The following USH2A variants were observed in gnomAD, a reference collection of about 807,000 sequenced individuals.
The protein encoded by USH2A is Usher syndrome 2A (autosomal recessive, mild).
Under a neutral mutation model 538.9 loss-of-function variants are expected in USH2A, and 443 were observed. That is an observed-to-expected ratio of 0.82 (90% CI 0.76 to 0.89). The LOEUF (loss-of-function observed/expected upper bound fraction) is 0.89. USH2A is among the 40% of genes least tolerant of loss of function. The probability of loss-of-function intolerance (pLI) is 0.00; values close to 1 mark genes in which losing one functional copy is unlikely to be tolerated. For missense variants in USH2A, 6,633 were observed against 6,324.8 expected (o/e 1.05, Z -1.65); for synonymous variants, 2,413 against 2,273.5 (o/e 1.06, Z -1.75).
At chr1:216,052,628 C>T (rs745427803) in intron 30 of USH2A, among the ~76,000 whole-genome samples, 7 of 152,130 alleles carry the variant, frequency 4.6e-5, no homozygotes, top group Non-Finnish European at 1.0e-4. Context: ...AAGAAGAACA[C>T]TATAATGGTT....
At chr1:216,224,289 C>T (rs927368778) in intron 14 of USH2A, among the ~76,000 whole-genome samples, 3 of 152,100 alleles carry the variant, frequency 2.0e-5, no homozygotes, top group Non-Finnish European at 4.4e-5. Flanking sequence ...TGCAGGGTGT[C>T]AAATATGGGT....
At chr1:216,384,240 A>T (rs903795556) in intron 3 of USH2A, among the ~76,000 whole-genome samples, 1 of 151,888 alleles carries the variant, frequency 6.6e-6, no homozygotes, top group African/African-American at 2.4e-5. Context: ...TAAATATATC[A>T]AGATTTCTTA....
chr1:215,943,614 G>C (rs934891720), intron 37 of USH2A, among the ~76,000 whole-genome samples: 2 of 152,134 alleles, frequency 1.3e-5, no homozygotes, highest in Non-Finnish European at 2.9e-5. Flanking sequence ...GGACTACAAA[G>C]CTTGATCCAG....
chr1:216,173,763 C>A (rs1260227471), intron 21 of USH2A, among the ~76,000 whole-genome samples: 1 of 152,160 alleles, frequency 6.6e-6, no homozygotes, highest in Non-Finnish European at 1.5e-5. Flanking sequence ...GCTGGCTAGC[C>A]TGCAAATCCA....
chr1:216,307,958 A>G (rs2037348392), intron 9 of USH2A, among the ~76,000 whole-genome samples: 1 of 152,012 alleles, frequency 6.6e-6, no homozygotes, highest in African/African-American at 2.4e-5. Flanking sequence ...GCAGCAATCT[A>G]TTTCCTTCAA....
At position 215,830,731 on chromosome 1, in the gene USH2A, C is replaced by G. The variant is rs75906775; in HGVS notation, c.9371+7260G>C. Among the ~76,000 whole-genome samples, 523 of 152,248 alleles carry G rather than the reference C, an allele frequency of 3.4e-3. 4 individuals carry two copies. Among genetic ancestry groups the G allele is most frequent in the African/African-American group, 0.012 (496 of 41,558 alleles). On this transcript the variant is annotated intron_variant, in intron 47 of 71. Transcript: ENST00000307340. The stretch of plus-strand genomic sequence containing the variant: ...TGCATAGCCTATGCAAGCAGCACAG[C>G]GAAGATTTTGAGATCAGAACTATTA...
chr1:215,900,374 C>A (rs772203674), intron 39 of USH2A, among the ~76,000 whole-genome samples, 157 bp from the exon 40 acceptor site: 2 of 152,062 alleles, frequency 1.3e-5, no homozygotes, highest in Non-Finnish European at 2.9e-5. Flanking sequence ...AAATAAGTAG[C>A]CATTGGCTGA....
Position 216,325,379 on chromosome 1 carries a change from T to C in USH2A, c.1069A>G (p.Asn357Asp), listed in dbSNP as rs144560419. 1.9e-5 allele frequency: 31 copies of C among 1,613,810 alleles called. No individual in the cohort carries two copies. Among genetic ancestry groups the C allele is most frequent in the Non-Finnish European group, 2.6e-5 (31 of 1,179,896 alleles). ...DNDVGTSWVS[N>D]VFTNITQLNQ... is the part of the protein sequence containing the mutation. Reference sequence around the variant, plus strand: ...AGCTGTGTAATGTTTGTAAACACATTTGAAACCCATGAAGTACCAACATCA... The same window carrying C: ...AGCTGTGTAATGTTTGTAAACACATCTGAAACCCATGAAGTACCAACATCA... The change falls in exon 6 of 72, where the codon AAT becomes GAT. Residue 357 changes from asparagine (N) to aspartate (D), a missense_variant. Asn to Asp is a conservative substitution (Grantham distance 23). Coordinates refer to ENST00000307340, the MANE Select transcript of USH2A (RefSeq NM_206933.4).
intron 32 of USH2A, among the ~76,000 whole-genome samples, chr1:216,032,983 T>G (rs1322063397): frequency 6.6e-6 from 1 of 152,186 alleles, no homozygotes; most frequent in East Asian, 1.9e-4. Context: ...AATTTCTGAT[T>G]TACAGAACTT....
chr1:215,636,325 C>T lies in USH2A; in HGVS notation c.15053-1622G>A, dbSNP rs551363182. Among the ~76,000 whole-genome samples the T allele has an allele frequency of 3.2e-4, 49 of 152,296 alleles. No individual in the cohort carries two copies. In the South Asian group the frequency reaches 0.01, roughly 32 times the overall value. ...ATGGTGACTAAAACTAAACTTTGAACTCCGTAAGAGGAGGGATATTACTTT... is the reference window on the plus strand; with the variant it reads ...ATGGTGACTAAAACTAAACTTTGAATTCCGTAAGAGGAGGGATATTACTTT... On this transcript the variant is annotated intron_variant, in intron 69 of 71. Transcript: ENST00000307340.
Position 215,758,489 on chromosome 1 carries a change from C to A in USH2A, c.11389+106G>T, listed in dbSNP as rs554222622. 216 of 1,394,730 alleles carry A rather than the reference C, an allele frequency of 1.5e-4. 1 individual carries two copies. The highest frequency in any genetic ancestry group is 5.7e-4 in the Admixed American group (31 of 54,660). The allele number at this position is 1,394,730 out of a possible 1,614,324, so 86.4% of individuals were successfully genotyped here. On this transcript the variant is annotated intron_variant, in intron 58 of 71. Coordinates refer to ENST00000307340, the MANE Select transcript of USH2A (RefSeq NM_206933.4). Reference sequence around the variant, plus strand: ...TTCTGTTCATATTTATCCAGGAGACCGACTATGTCTTTCTGATTTACTAAA... The same window carrying A: ...TTCTGTTCATATTTATCCAGGAGACAGACTATGTCTTTCTGATTTACTAAA...
chr1:215,739,983 G>C (rs539986374), intron 60 of USH2A, among the ~76,000 whole-genome samples: 10 of 152,288 alleles, frequency 6.6e-5, no homozygotes, highest in African/African-American at 2.4e-4. Context: ...GTTCTGCTTT[G>C]TACGCTAAAG....
chr1:215,741,338 T>G, intron 60 of USH2A, 37 bp downstream of exon 60: 1 of 1,610,648 alleles, frequency 6.2e-7, no homozygotes, highest in Non-Finnish European at 8.5e-7. Context: ...GTACGCATTC[T>G]TAAATAACTA....
chr1:215,641,721 C>CT (rs561128604), intron 67 of USH2A, among the ~76,000 whole-genome samples: 191 of 152,140 alleles, frequency 1.3e-3, no homozygotes, highest in African/African-American at 4.5e-3. Flanking sequence ...GAATCTGATT[C>CT]TTTTTCTTTA....
intron 3 of USH2A, among the ~76,000 whole-genome samples, chr1:216,394,071 C>T (rs539180279): frequency 2.0e-5 from 3 of 152,130 alleles, no homozygotes; most frequent in South Asian, 2.1e-4. Flanking sequence ...CATCAGTCAC[C>T]GGGGAAAATC....
At chr1:216,024,991 T>C (rs971648559) in intron 32 of USH2A, among the ~76,000 whole-genome samples, 2 of 151,958 alleles carry the variant, frequency 1.3e-5, no homozygotes, top group African/African-American at 4.8e-5. Context: ...GAGCTACTTA[T>C]AAGAAGAACT....
At chr1:215,900,557 A>G (rs932284106) in intron 39 of USH2A, among the ~76,000 whole-genome samples, 198 bp downstream of exon 39, 3 of 152,216 alleles carry the variant, frequency 2.0e-5, no homozygotes, top group African/African-American at 7.2e-5. Context: ...GTGGGAAGAA[A>G]TCCTACTTTA....
intron 58 of USH2A, among the ~76,000 whole-genome samples, chr1:215,755,340 G>T (rs532856805): frequency 6.6e-6 from 1 of 152,240 alleles, no homozygotes; most frequent in East Asian, 1.9e-4. Flanking sequence ...TAATGGCAGG[G>T]AGTATGATGA....
intron 21 of USH2A, among the ~76,000 whole-genome samples, chr1:216,136,668 A>T (rs2033492389): frequency 6.6e-6 from 1 of 152,228 alleles, no homozygotes; most frequent in African/African-American, 2.4e-5. Context: ...ATAAATTAAA[A>T]TGAAGTCACA....
Sources: gnomAD v4.1 joint callset for allele counts (sites outside exome capture counted in the v4.1 genomes callset) on GRCh38, gnomAD v4.1.1 for gene constraint, MANE v1.5 for transcripts, NCBI Gene and HGNC (gene_info 2026-07-23, HGNC 2026-07-21) for gene names.